USH2A: variants seen among roughly 807,000 people sequenced by gnomAD.
USH2A encodes the protein Usher syndrome 2A (autosomal recessive, mild).
In USH2A, 443 loss-of-function variants were observed where a neutral mutation model predicts 538.9. The ratio of observed to expected loss-of-function variants is 0.82; its 90% CI spans 0.76 to 0.89. The LOEUF is 0.89. Ranked by LOEUF, USH2A falls within the 40% of genes least tolerant of loss-of-function variation. The pLI is 0.00. For synonymous variants in USH2A, 2,413 were observed against 2,273.5 expected, an observed-to-expected ratio of 1.06 and a Z score of -1.75; for missense variants, 6,633 against 6,324.8, an observed-to-expected ratio of 1.05 and a Z score of -1.65.
At chr1:216,215,250 G>T (rs1192597198) in intron 15 of USH2A, among the ~76,000 whole-genome samples, 2 of 152,106 alleles carry the variant, frequency 1.3e-5, no homozygotes, top group African/African-American at 4.8e-5. Context: ...AAACTGTGTA[G>T]GGGGTGGGGT....
chr1:216,131,978 C>G (rs747016259), intron 21 of USH2A, among the ~76,000 whole-genome samples: 1 of 152,176 alleles, frequency 6.6e-6, no homozygotes, highest in South Asian at 2.1e-4. Context: ...CAAGAGGACA[C>G]AGACCTAGTA....
intron 4 of USH2A, among the ~76,000 whole-genome samples, chr1:216,330,584 G>A (rs377023495): frequency 3.7e-4 from 56 of 152,070 alleles, no homozygotes; most frequent in African/African-American, 1.2e-3. Flanking sequence ...GAGGTTATTA[G>A]AAGGTTAGGT....
At position 215,675,592 on chromosome 1, in the gene USH2A, A is replaced by T; in HGVS notation, c.12319T>A (p.Phe4107Ile). ...IKTYNIFSDG[F>I]LEYSGLNRQF... ...CGATTCAAACCAGAGTACTCCAGGA[A>T]CCCGTCACTGAAGATGTTGTATGTC... Residue 4107 changes from phenylalanine (F) to isoleucine (I), a missense_variant, in exon 63 of 72, where the codon TTC (phenylalanine) becomes ATC (isoleucine). Phe to Ile is a conservative substitution (Grantham distance 21). Transcript: ENST00000307340. 1 of 1,613,984 alleles carries T rather than the reference A, an allele frequency of 6.2e-7. No homozygotes were observed. Among genetic ancestry groups the T allele is most frequent in the African/African-American group, 1.3e-5 (1 of 74,990 alleles).
chr1:215,637,058 T>C (rs950339628), intron 69 of USH2A, among the ~76,000 whole-genome samples: 8 of 152,018 alleles, frequency 5.3e-5, no homozygotes, highest in African/African-American at 1.4e-4. Context: ...GTGCATCACA[T>C]GGGAGGTTCA....
At chr1:215,945,513 CT>C (rs968706744) in intron 37 of USH2A, among the ~76,000 whole-genome samples, 1 of 151,942 alleles carries the variant, frequency 6.6e-6, no homozygotes. Flanking sequence ...ATTAACAGGT[CT>C]TTTTTTAAAA....
chr1:216,249,503 A>T (rs2036116937), intron 12 of USH2A, among the ~76,000 whole-genome samples: 1 of 152,198 alleles, frequency 6.6e-6, no homozygotes, highest in Non-Finnish European at 1.5e-5. Context: ...GATGCCATAC[A>T]AATTGAATTC....
In USH2A at chr1:216,233,801, C is replaced by A. The variant is rs74525320; in HGVS notation, c.2810-1665G>T. On this transcript the variant is annotated intron_variant, in intron 13 of 71. Coordinates refer to ENST00000307340, the MANE Select transcript of USH2A (RefSeq NM_206933.4). The stretch of plus-strand genomic sequence containing the variant: ...AACTGTTATAGAATTAGAAAGTTAT[C>A]AGGCAGTTGAATGTGGAGCAGGCAT... 9.7e-3 allele frequency among the ~76,000 whole-genome samples: 1,482 copies of A among 152,178 alleles called. 9 individuals are homozygous for A. The highest frequency in any genetic ancestry group is 0.014 in the Non-Finnish European group (924 of 67,990).
rs765666540 is a variant in USH2A at position 216,422,134 on chromosome 1, T to G, written c.203A>C (p.His68Pro). ...AATACTTTCAGCAGCAGCAGAGCTG[T>G]GACAAAAAGTGCTTCGGTCTGGGAG... is the stretch of plus-strand genomic sequence containing the variant. ...CGLPDRSTFC[H>P]SSAAAESIQF... Residue 68 changes from histidine to proline, a missense_variant, in exon 2 of 72, where the codon CAC becomes CCC. Physicochemically the swap from His to Pro is moderately conservative, Grantham distance 77. Transcript: ENST00000307340. 6.2e-7 allele frequency: 1 copy of G among 1,613,772 alleles called. No homozygotes were observed. The highest frequency in any genetic ancestry group is 1.1e-5 in the South Asian group (1 of 91,070).
Position 216,324,212 on chromosome 1 carries a change from T to A in USH2A, c.1284A>T (p.Gly428=). 6.2e-7 allele frequency: 1 copy of A among 1,613,342 alleles called. No individual in the cohort carries two copies. Among genetic ancestry groups the A allele is most frequent in the Non-Finnish European group, 8.5e-7 (1 of 1,179,676 alleles). The change falls in exon 7 of 72, where the codon GGA becomes GGT. Residue 428 remains glycine (G), a synonymous_variant. Coordinates refer to ENST00000307340, the MANE Select transcript of USH2A (RefSeq NM_206933.4). ...NCGAFGMKNN[G]DLEKPDSVNC... The stretch of plus-strand genomic sequence containing the variant: ...TGACAGAATCAGGTTTTTCCAAATC[T>A]CCATTGTTTTTCATTCCAAAAGCAC...
intron 47 of USH2A, among the ~76,000 whole-genome samples, chr1:215,822,999 T>C (rs1663054044): frequency 6.6e-6 from 1 of 152,068 alleles, no homozygotes; most frequent in Non-Finnish European, 1.5e-5. Flanking sequence ...GTCTATCTCT[T>C]AACACGTTGC....
intron 4 of USH2A, among the ~76,000 whole-genome samples, chr1:216,340,585 A>G (rs1485765097): frequency 6.6e-6 from 1 of 151,968 alleles, no homozygotes. Context: ...CCTGATGAAC[A>G]CTAATACGAA....
chr1:216,248,092 T>A (rs2102547666), intron 12 of USH2A, among the ~76,000 whole-genome samples: 1 of 152,244 alleles, frequency 6.6e-6, no homozygotes, highest in East Asian at 1.9e-4. Flanking sequence ...TTAATATAAA[T>A]CATGCTCTCC....
chr1:215,948,443 TACACAC>T (rs59062172), intron 37 of USH2A, among the ~76,000 whole-genome samples: 4 of 147,172 alleles, frequency 2.7e-5, no homozygotes, highest in African/African-American at 7.5e-5. Context: ...TATATATATA[TACACAC>T]ACACACACAC....
At chr1:215,999,359 G>GTT (rs1668212848) in intron 33 of USH2A, among the ~76,000 whole-genome samples, 1 of 152,048 alleles carries the variant, frequency 6.6e-6, no homozygotes, top group Admixed American at 6.6e-5. Context: ...AACTTCAGAA[G>GTT]CAGAACTTCT....
intron 30 of USH2A, among the ~76,000 whole-genome samples, chr1:216,059,462 A>G (rs1228025444): frequency 6.6e-6 from 1 of 152,140 alleles, no homozygotes; most frequent in Admixed American, 6.5e-5. Context: ...GAAACCCTAA[A>G]ATTATTCAAA....
chr1:215,814,032 G>A (rs888761375), intron 48 of USH2A, 128 bp from the exon 49 acceptor site: 82 of 1,113,306 alleles, frequency 7.4e-5, no homozygotes, highest in Middle Eastern at 2.9e-4. Context: ...CTCATATTTC[G>A]TTGGTTTAAA....
intron 4 of USH2A, 91 bp downstream of exon 4, chr1:216,364,862 C>T (rs528870290): frequency 4.0e-5 from 60 of 1,512,772 alleles, no homozygotes; most frequent in South Asian, 2.7e-4. Context: ...GATGAATACA[C>T]GTAGATATTT....
intron 52 of USH2A, among the ~76,000 whole-genome samples, chr1:215,783,378 G>T (rs1015265463): frequency 3.9e-5 from 6 of 152,084 alleles, no homozygotes; most frequent in Admixed American, 3.3e-4. Flanking sequence ...AAATCATATG[G>T]ATTATAATGT....
chr1:216,304,957 T>C (rs987023353), intron 9 of USH2A, among the ~76,000 whole-genome samples: 5 of 152,056 alleles, frequency 3.3e-5, no homozygotes, highest in Non-Finnish European at 5.9e-5. Context: ...TCTTGGAGGA[T>C]GTTTCACCTG....
Sources: gnomAD v4.1 joint callset for allele counts (sites outside exome capture counted in the v4.1 genomes callset) on GRCh38, gnomAD v4.1.1 for gene constraint, MANE v1.5 for transcripts, NCBI Gene and HGNC (gene_info 2026-07-23, HGNC 2026-07-21) for gene names.